STRBP: variants seen among roughly 807,000 people sequenced by gnomAD.
STRBP encodes spermatid perinuclear RNA-binding protein.
A neutral mutation model predicts 80.1 loss-of-function variants in STRBP; 13 were observed. The observed-to-expected ratio is 0.16, with a 90% CI of 0.11 to 0.26. STRBP has a LOEUF of 0.26. Among genes scored for constraint, STRBP ranks in the 10% least tolerant of loss-of-function variants. The probability of loss-of-function intolerance (pLI) is 1.00; values close to 1 mark genes in which losing one functional copy is unlikely to be tolerated. For missense variants in STRBP, 485 were observed against 815.2 expected (o/e 0.59, Z 4.93); for synonymous variants, 284 against 291.2 (o/e 0.98, Z 0.25).
Position 123,258,699 on chromosome 9 carries a change from G to A in STRBP, c.-302+9737C>T, listed in dbSNP as rs539145516. ...GGCGCCTGTCGTCCCAGCTACTCAG[G>A]AGGCTGAGGCAGAATGGTGTGAACC... On this transcript the variant is annotated intron_variant, in intron 1 of 18. Transcript: ENST00000348403. Among the ~76,000 whole-genome samples the A allele has an allele frequency of 7.4e-4, 112 of 151,954 alleles. 3 individuals are homozygous for A. The South Asian group carries it at 0.022, about 30-fold the overall frequency.
chr9:123,224,430 T>C (rs1220586479), intron 2 of STRBP, among the ~76,000 whole-genome samples: 5 of 152,184 alleles, frequency 3.3e-5, no homozygotes, highest in African/African-American at 9.6e-5. Flanking sequence ...CTATCACCCA[T>C]TGTTCCCATC....
intron 11 of STRBP, among the ~76,000 whole-genome samples, chr9:123,148,614 C>A (rs2036922463): frequency 6.6e-6 from 1 of 152,144 alleles, no homozygotes; most frequent in Non-Finnish European, 1.5e-5. Flanking sequence ...CTTTAGAAGT[C>A]CACGTTACAT....
chr9:123,214,438 C>T (rs560736839), intron 2 of STRBP, among the ~76,000 whole-genome samples: 25 of 152,236 alleles, frequency 1.6e-4, no homozygotes, highest in African/African-American at 5.8e-4. Flanking sequence ...TCACAAATCA[C>T]AGGTAAAGAA....
chr9:123,191,037 A>G lies in STRBP; in HGVS notation c.-164-6739T>C, dbSNP rs191191780. Among the ~76,000 whole-genome samples, 203 of 152,330 alleles carry G rather than the reference A, an allele frequency of 1.3e-3. 1 individual carries two copies. Among genetic ancestry groups the G allele is most frequent in the African/African-American group, 4.8e-3 (198 of 41,584 alleles). Reference sequence around the variant, plus strand: ...CCAACAGTGAACAAAACAGACAAAAATCCTTGCCCTTGTGGTTTAAGTCCA... The same window carrying G: ...CCAACAGTGAACAAAACAGACAAAAGTCCTTGCCCTTGTGGTTTAAGTCCA... On this transcript the variant is annotated intron_variant, in intron 2 of 18. Coordinates refer to ENST00000348403, the MANE Select transcript of STRBP (RefSeq NM_018387.5).
intron 2 of STRBP, among the ~76,000 whole-genome samples, chr9:123,227,848 T>C (rs1482368151): frequency 1.3e-5 from 2 of 152,068 alleles, no homozygotes; most frequent in African/African-American, 4.8e-5. Flanking sequence ...TACAGGCCAC[T>C]GCACCCGGCC....
chr9:123,123,969 C>G lies in STRBP; in HGVS notation c.*1628G>C. 1 of 985,346 alleles carries G rather than the reference C, an allele frequency of 1.0e-6. No homozygotes were observed. The highest frequency in any genetic ancestry group is 1.2e-6 in the Non-Finnish European group (1 of 829,920). 61.0% of individuals were successfully genotyped at this position (985,346 alleles called of 1,614,324 possible). A position where few individuals can be genotyped will look rare whatever the true frequency, so the allele number is the denominator to read the frequency against. On this transcript the variant is annotated 3_prime_UTR_variant, in exon 19 of 19. Transcript: ENST00000348403. ...GAGAATGATAAGTTACAGCTATTTC[C>G]AGCAAGTGATGAGGTTTTATTAAAG...
intron 1 of STRBP, among the ~76,000 whole-genome samples, chr9:123,262,789 C>T (rs2041185876): frequency 6.6e-6 from 1 of 152,162 alleles, no homozygotes. Context: ...TTAATGGACC[C>T]TTAGGACAAG....
chr9:123,258,973 T>G (rs1334883898), intron 1 of STRBP, among the ~76,000 whole-genome samples: 1 of 150,616 alleles, frequency 6.6e-6, no homozygotes, highest in African/African-American at 2.4e-5. Context: ...CACTAGAGGG[T>G]TTTGACCAGA....
intron 11 of STRBP, among the ~76,000 whole-genome samples, chr9:123,150,802 G>A (rs1046710248): frequency 6.6e-6 from 1 of 152,076 alleles, no homozygotes; most frequent in African/African-American, 2.4e-5. Context: ...CCACACACTG[G>A]GTTGGGCCTC....
intron 2 of STRBP, among the ~76,000 whole-genome samples, chr9:123,195,491 T>G (rs1274674760): frequency 6.6e-6 from 1 of 152,096 alleles, no homozygotes; most frequent in Non-Finnish European, 1.5e-5. Flanking sequence ...ACAAACAAAT[T>G]CAGTAAAGTT....
At chr9:123,165,660 A>G (rs971643587) in intron 6 of STRBP, among the ~76,000 whole-genome samples, 9 of 152,352 alleles carry the variant, frequency 5.9e-5, no homozygotes, top group African/African-American at 2.2e-4. Flanking sequence ...TAAAATCACA[A>G]GCACCAAAAG....
chr9:123,116,127 T>G (rs1421683615), intron 2 of STRBP: 1 of 455,948 alleles, frequency 2.2e-6, no homozygotes, highest in East Asian at 7.0e-5. Flanking sequence ...TTTAGAAAGC[T>G]GAGACTTCCG....
intron 1 of STRBP, among the ~76,000 whole-genome samples, chr9:123,241,987 C>A (rs540111005): frequency 6.6e-6 from 1 of 152,322 alleles, no homozygotes; most frequent in African/African-American, 2.4e-5. Context: ...CCCTGTCCTC[C>A]TTTTTAGTTC....
chr9:123,173,531 T>C (rs1207592727), intron 5 of STRBP, 146 bp downstream of exon 5: 4 of 754,894 alleles, frequency 5.3e-6, no homozygotes, highest in Non-Finnish European at 8.0e-6. Flanking sequence ...TGTGATGAAT[T>C]AGTCATTGAC....
chr9:123,139,743 G>A, intron 13 of STRBP, 56 bp from the exon 14 acceptor site: 1 of 1,555,434 alleles, frequency 6.4e-7, no homozygotes, highest in South Asian at 1.2e-5. Context: ...CCAGAGAATA[G>A]ACAAAATATT....
At chr9:123,112,961 G>A (rs146474085) in intron 3 of STRBP, 53 of 167,172 alleles carry the variant, frequency 3.2e-4, no homozygotes, top group Middle Eastern at 3.4e-3. Flanking sequence ...GCCCTCGTAC[G>A]TGAATCTTTA....
At chr9:123,117,807 G>A (rs776732556), downstream of STRBP, among the ~76,000 whole-genome samples, 17 of 152,194 alleles carry the variant, frequency 1.1e-4, no homozygotes, top group Non-Finnish European at 2.1e-4. Context: ...CAGAGAACAT[G>A]CACTCGGAAA....
At position 123,122,490 on chromosome 9, in the gene STRBP, G is replaced by A. The variant is rs2035763599; in HGVS notation, c.*3107C>T. On this transcript the variant is annotated 3_prime_UTR_variant, in exon 19 of 19. Transcript: ENST00000348403. ...CCAATACCAGCAAAATCTCTCAGTG[G>A]TTTGTTCCCCAGGCTAACAATTTGA... is the stretch of plus-strand genomic sequence containing the variant. 1.7e-6 allele frequency: 2 copies of A among 1,190,140 alleles called. No homozygotes were observed. The highest frequency in any genetic ancestry group is 1.6e-5 in the African/African-American group (1 of 62,094). The allele number at this position is 1,190,140 out of a possible 1,614,324, so 73.7% of individuals were successfully genotyped here. A position where few individuals can be genotyped will look rare whatever the true frequency, so the allele number is the denominator to read the frequency against.
chr9:123,163,874 CTGA>C (rs2037634329), intron 6 of STRBP, among the ~76,000 whole-genome samples: 2 of 152,114 alleles, frequency 1.3e-5, no homozygotes, highest in South Asian at 4.1e-4. Flanking sequence ...CAAAACTTTC[CTGA>C]TAACACATCT....
Sources: gnomAD v4.1 joint callset for allele counts (sites outside exome capture counted in the v4.1 genomes callset) on GRCh38, gnomAD v4.1.1 for gene constraint, MANE v1.5 for transcripts, NCBI Gene and HGNC (gene_info 2026-07-23, HGNC 2026-07-21) for gene names.